The following DEPTOR variants were observed in gnomAD, a reference collection of about 807,000 sequenced individuals.
DEPTOR encodes DEP domain containing MTOR interacting protein.
In DEPTOR, 41 loss-of-function variants were observed where a neutral mutation model predicts 41.6. The ratio of observed to expected loss-of-function variants is 0.98; its 90% CI spans 0.77 to 1.28. The LOEUF (loss-of-function observed/expected upper bound fraction) is 1.28. Among genes scored for constraint, DEPTOR ranks in the 50% most tolerant of loss-of-function variants. DEPTOR has a pLI of 0.00. For missense variants in DEPTOR, 514 were observed against 527.9 expected, an observed-to-expected ratio of 0.97 and a Z score of 0.26; for synonymous variants, 195 against 192.3, an observed-to-expected ratio of 1.01 and a Z score of -0.12.
chr8:119,988,633 C>T (rs898649377), intron 4 of DEPTOR, among the ~76,000 whole-genome samples: 2 of 152,076 alleles, frequency 1.3e-5, no homozygotes, highest in African/African-American at 4.8e-5. Context: ...CAGGTGTGTA[C>T]CACCATGCCT....
At chr8:119,983,926 G>A (rs952844464) in intron 4 of DEPTOR, among the ~76,000 whole-genome samples, 2 of 152,112 alleles carry the variant, frequency 1.3e-5, no homozygotes, top group Non-Finnish European at 1.5e-5. Flanking sequence ...AGTCTCAAAA[G>A]CAGCACCTGA....
In DEPTOR at chr8:119,980,769, C is replaced by T. The variant is rs113180669; in HGVS notation, c.604+15359C>T. Among the ~76,000 whole-genome samples the T allele has an allele frequency of 7.5e-3, 1,136 of 152,144 alleles. 15 individuals are homozygous for T. Among genetic ancestry groups the T allele is most frequent in the African/African-American group, 0.025 (1,046 of 41,490 alleles). On this transcript the variant is annotated intron_variant, in intron 4 of 8. Transcript: ENST00000286234. The stretch of plus-strand genomic sequence containing the variant: ...CTGACCTCAGGTGATCCACCCGCCT[C>T]GGCCTTCCAAAGTGCTGGGATTACA...
Position 119,873,814 on chromosome 8 carries a change from C to A in DEPTOR, c.-33C>A, listed in dbSNP as rs75781905. 0.082 allele frequency: 131,268 copies of A among 1,605,964 alleles called. 6,307 individuals are homozygous for A. The highest frequency in any genetic ancestry group is 0.18 in the South Asian group (16,587 of 90,684). Reference sequence around the variant, plus strand: ...GAGCACCCAAACCCTCGGCGGACAGCGGAGCCAGTGGTAGCCGCACGGCCC... The same window carrying A: ...GAGCACCCAAACCCTCGGCGGACAGAGGAGCCAGTGGTAGCCGCACGGCCC... On this transcript the variant is annotated 5_prime_UTR_variant, in exon 1 of 9. Transcript: ENST00000286234.
chr8:119,894,458 G>A (rs992617929), intron 1 of DEPTOR, among the ~76,000 whole-genome samples: 2 of 150,538 alleles, frequency 1.3e-5, no homozygotes, highest in Admixed American at 1.3e-4. Context: ...GTGCAGTGGC[G>A]CAATCTTGGC....
At chr8:119,940,694 C>T (rs1032003948) in intron 3 of DEPTOR, among the ~76,000 whole-genome samples, 1 of 152,008 alleles carries the variant, frequency 6.6e-6, no homozygotes, top group Non-Finnish European at 1.5e-5. Context: ...GAGCCGAAAT[C>T]GCGCCATTGC....
chr8:119,939,759 G>GCCA (rs1828177373), intron 3 of DEPTOR, among the ~76,000 whole-genome samples: 1 of 152,076 alleles, frequency 6.6e-6, no homozygotes, highest in African/African-American at 2.4e-5. Context: ...ACAGGTGTGA[G>GCCA]CCACCACACC....
At chr8:120,041,758 G>C (rs1282904458) in intron 8 of DEPTOR, among the ~76,000 whole-genome samples, 2 of 152,078 alleles carry the variant, frequency 1.3e-5, no homozygotes, top group African/African-American at 4.8e-5. Flanking sequence ...GGCTGGTCTT[G>C]AACTCATGAT....
chr8:119,948,675 C>A (rs996496825), intron 3 of DEPTOR, among the ~76,000 whole-genome samples: 3 of 152,044 alleles, frequency 2.0e-5, no homozygotes, highest in African/African-American at 2.4e-5. Flanking sequence ...CAAAAAGAAA[C>A]CCCTTACCCC....
intron 1 of DEPTOR, among the ~76,000 whole-genome samples, chr8:119,914,504 A>T (rs1827788045): frequency 6.6e-6 from 1 of 151,588 alleles, no homozygotes; most frequent in Non-Finnish European, 1.5e-5. Flanking sequence ...CAGTGGCACG[A>T]TCTTGGCTCA....
At chr8:119,885,392 A>G (rs115196783) in intron 1 of DEPTOR, among the ~76,000 whole-genome samples, 2,830 of 152,322 alleles carry the variant, frequency 0.019, 88 homozygotes, top group African/African-American at 0.063. Context: ...TGACAATAAT[A>G]AAACTGTTTA....
chr8:119,884,134 C>T (rs1439806316), intron 1 of DEPTOR, among the ~76,000 whole-genome samples: 5 of 152,136 alleles, frequency 3.3e-5, no homozygotes, highest in Non-Finnish European at 7.3e-5. Context: ...CTTGGCTCAC[C>T]GCAACCTCCG....
intron 8 of DEPTOR, among the ~76,000 whole-genome samples, chr8:120,045,203 C>T (rs890752975): frequency 6.6e-6 from 1 of 152,244 alleles, no homozygotes; most frequent in African/African-American, 2.4e-5. Flanking sequence ...CATGTGGGAA[C>T]GCAAGGGAGT....
intron 1 of DEPTOR, among the ~76,000 whole-genome samples, chr8:119,922,360 T>C (rs968152484): frequency 3.9e-5 from 6 of 152,188 alleles, no homozygotes; most frequent in African/African-American, 1.4e-4. Context: ...ACAAATTACA[T>C]AGTAGCTTGT....
chr8:120,010,096 G>A (rs1463234973), intron 8 of DEPTOR, among the ~76,000 whole-genome samples: 2 of 151,986 alleles, frequency 1.3e-5, no homozygotes, highest in African/African-American at 2.4e-5. Flanking sequence ...TCTAGATCTC[G>A]GTCCTGTTAG....
At chr8:119,877,965 C>G (rs941245153) in intron 1 of DEPTOR, among the ~76,000 whole-genome samples, 24 of 152,096 alleles carry the variant, frequency 1.6e-4, no homozygotes, top group Non-Finnish European at 7.3e-5. Context: ...GAGTTTCACT[C>G]TTGTTGCCCA....
At chr8:119,901,241 A>T (rs1227398581) in intron 1 of DEPTOR, among the ~76,000 whole-genome samples, 1 of 152,184 alleles carries the variant, frequency 6.6e-6, no homozygotes, top group Non-Finnish European at 1.5e-5. Context: ...TCAGTCTGTC[A>T]CTTCAGTGTG....
At position 119,965,216 on chromosome 8, in the gene DEPTOR, C is replaced by CTTTTTT; in HGVS notation, c.426-14_426-9dup. 2 of 1,597,166 alleles carry CTTTTTT rather than the reference C, an allele frequency of 1.3e-6. No individual in the cohort carries two copies. Among genetic ancestry groups the CTTTTTT allele is most frequent in the Non-Finnish European group, 1.7e-6 (2 of 1,174,624 alleles). On this transcript the variant is annotated splice_polypyrimidine_tract_variant and intron_variant, in intron 3 of 8. Coordinates refer to ENST00000286234, the MANE Select transcript of DEPTOR (RefSeq NM_022783.4). ...TCGTATAGGTTTACTTTTCTTTTCC[C>CTTTTTT]TTTTTTTCTTCCCAGGCTGATGAGC...
intron 4 of DEPTOR, among the ~76,000 whole-genome samples, chr8:119,991,072 TTCTTTCTTTCTTTCTTTTTC>T (rs1285968713): frequency 5.4e-5 from 4 of 73,892 alleles, no homozygotes; most frequent in African/African-American, 2.0e-4. Context: ...CTTTCTTTCT[TTCTTTCTTTCTTTCTTTTTC>T]TTTCTTTCTT....
chr8:119,967,110 T>A (rs1430789525), intron 4 of DEPTOR, among the ~76,000 whole-genome samples: 1 of 151,222 alleles, frequency 6.6e-6, no homozygotes, highest in Non-Finnish European at 1.5e-5. Flanking sequence ...ATTGAGTCTC[T>A]CTTTGTCACC....
Sources: gnomAD v4.1 joint callset for allele counts (sites outside exome capture counted in the v4.1 genomes callset) on GRCh38, gnomAD v4.1.1 for gene constraint, MANE v1.5 for transcripts, NCBI Gene and HGNC (gene_info 2026-07-23, HGNC 2026-07-21) for gene names.